Variants in DCC observed in about 807,000 individuals in gnomAD.
DCC encodes the protein netrin receptor DCC.
In DCC, 58 loss-of-function variants were observed where a neutral mutation model predicts 172.5. The ratio of observed to expected loss-of-function variants is 0.34; its 90% CI spans 0.27 to 0.42. The LOEUF (loss-of-function observed/expected upper bound fraction) is 0.42, where lower values mean the gene tolerates loss of function less well. DCC is among the 10% of genes least tolerant of loss of function. The pLI is 1.00. For synonymous variants in DCC, 709 were observed against 644.5 expected, an observed-to-expected ratio of 1.10 and a Z score of -1.52; for missense variants, 1,740 against 1,791.0, an observed-to-expected ratio of 0.97 and a Z score of 0.51.
chr18:53,099,961 G>GTTTTTTTT (rs58395852), intron 7 of DCC, among the ~76,000 whole-genome samples: 1 of 97,918 alleles, frequency 1.0e-5, no homozygotes. Context: ...TTTTTTTTTT[G>GTTTTTTTT]TTTGAGACAG....
At chr18:52,590,835 A>C (rs1388287339) in intron 1 of DCC, among the ~76,000 whole-genome samples, 2 of 152,234 alleles carry the variant, frequency 1.3e-5, no homozygotes, top group Non-Finnish European at 2.9e-5. Context: ...TCTCTGGGTG[A>C]CCAAAAAGGA....
intron 7 of DCC, among the ~76,000 whole-genome samples, chr18:53,113,090 C>T (rs2043357383): frequency 1.3e-5 from 2 of 151,024 alleles, no homozygotes; most frequent in Non-Finnish European, 3.0e-5. Context: ...TCAAAAAATC[C>T]CATTAAAGTA....
chr18:52,686,348 C>A (rs1430850287), intron 1 of DCC, among the ~76,000 whole-genome samples: 6 of 152,126 alleles, frequency 3.9e-5, no homozygotes, highest in Admixed American at 2.6e-4. Flanking sequence ...TCCAACAGAA[C>A]TCTACATGAC....
intron 1 of DCC, among the ~76,000 whole-genome samples, chr18:52,535,072 G>A (rs2032252089): frequency 1.3e-5 from 2 of 152,244 alleles, no homozygotes; most frequent in Admixed American, 1.3e-4. Flanking sequence ...CTTTGAAAAG[G>A]TGGGACATGG....
intron 7 of DCC, among the ~76,000 whole-genome samples, chr18:53,139,020 C>A (rs1313459666): frequency 6.6e-6 from 1 of 152,128 alleles, no homozygotes; most frequent in Non-Finnish European, 1.5e-5. Flanking sequence ...GTTTGCAGAC[C>A]TTTTCTGCCC....
chr18:52,927,146 T>TATATAC (rs1568192197), intron 5 of DCC, among the ~76,000 whole-genome samples: 16 of 59,062 alleles, frequency 2.7e-4, no homozygotes, highest in African/African-American at 3.6e-4. Context: ...CGTGTATATA[T>TATATAC]GTGTATATAT....
At chr18:53,411,960 T>A (rs1910013230) in intron 20 of DCC, among the ~76,000 whole-genome samples, 1 of 152,166 alleles carries the variant, frequency 6.6e-6, no homozygotes, top group Non-Finnish European at 1.5e-5. Flanking sequence ...CAAATTAATT[T>A]CATACTCATA....
At chr18:52,812,208 A>G (rs1224194337) in intron 2 of DCC, among the ~76,000 whole-genome samples, 1 of 152,150 alleles carries the variant, frequency 6.6e-6, no homozygotes, top group Non-Finnish European at 1.5e-5. Flanking sequence ...TTTATAATTC[A>G]CCTCAGCTAC....
intron 2 of DCC, among the ~76,000 whole-genome samples, chr18:52,841,253 G>A (rs921912274): frequency 6.6e-6 from 1 of 151,174 alleles, no homozygotes; most frequent in Non-Finnish European, 1.5e-5. Context: ...TAAGTACATG[G>A]AGAATCAGAG....
chr18:53,024,429 G>C (rs1189463000), intron 5 of DCC, among the ~76,000 whole-genome samples: 1 of 152,082 alleles, frequency 6.6e-6, no homozygotes, highest in African/African-American at 2.4e-5. Flanking sequence ...TGAGGTTACT[G>C]TAAATATGTT....
chr18:53,306,569 G>A (rs1188363790), intron 13 of DCC, among the ~76,000 whole-genome samples: 2 of 152,230 alleles, frequency 1.3e-5, no homozygotes, highest in Non-Finnish European at 1.5e-5. Flanking sequence ...TCCATGGATA[G>A]AAGGTGTGAG....
At chr18:52,627,540 A>C (rs1202574737) in intron 1 of DCC, among the ~76,000 whole-genome samples, 1 of 152,216 alleles carries the variant, frequency 6.6e-6, no homozygotes, top group Non-Finnish European at 1.5e-5. Flanking sequence ...GAAGCAACTA[A>C]AATTATTTTG....
chr18:53,116,348 G>T lies in DCC; in HGVS notation c.1262-41008G>T, dbSNP rs1006763039. The stretch of plus-strand genomic sequence containing the variant: ...GGATTCCATTGTTTATTTGGGATAC[G>T]CCTTATGTAAATGGAGAGGAAGAAG... On this transcript the variant is annotated intron_variant, in intron 7 of 28. Coordinates refer to ENST00000442544, the MANE Select transcript of DCC (RefSeq NM_005215.4). 3.3e-5 allele frequency among the ~76,000 whole-genome samples: 5 copies of T among 151,798 alleles called. No individual in the cohort carries two copies. In the East Asian group the frequency reaches 7.8e-4, roughly 24 times the overall value.
intron 12 of DCC, among the ~76,000 whole-genome samples, chr18:53,250,377 C>T (rs876553): frequency 0.38 from 57,393 of 149,880 alleles, 11,622 homozygotes; most frequent in East Asian, 0.59. Context: ...ATGACTGCAC[C>T]CTGAATTGTG....
At chr18:53,377,515 C>T (rs1468717763) in intron 15 of DCC, among the ~76,000 whole-genome samples, 2 of 152,188 alleles carry the variant, frequency 1.3e-5, no homozygotes, top group Non-Finnish European at 2.9e-5. Flanking sequence ...TCTTACATGT[C>T]CCACCTCACA....
At position 53,196,909 on chromosome 18, in the gene DCC, T is replaced by C. The variant is rs572187076; in HGVS notation, c.1574-8307T>C. Among the ~76,000 whole-genome samples, 8 of 152,248 alleles carry C rather than the reference T, an allele frequency of 5.3e-5. No individual in the cohort carries two copies. The East Asian group carries it at 1.5e-3, about 29-fold the overall frequency. ...TTGTGCTTCTTCCTAGCCAAATTAC[T>C]GTCTTATCTCCTAACTATGTACAGT... On this transcript the variant is annotated intron_variant, in intron 9 of 28. Transcript: ENST00000442544.
intron 5 of DCC, among the ~76,000 whole-genome samples, chr18:53,023,352 AAAAAATAAAAAT>A (rs1304386832): frequency 6.7e-6 from 1 of 149,094 alleles, no homozygotes; most frequent in African/African-American, 2.4e-5. Context: ...AAAAACATAA[AAAAAATAAAAAT>A]AAAAATAAAA....
chr18:52,709,522 C>T (rs890001481), intron 1 of DCC, among the ~76,000 whole-genome samples: 7 of 152,126 alleles, frequency 4.6e-5, no homozygotes, highest in Non-Finnish European at 8.8e-5. Flanking sequence ...TCCCAGTGAC[C>T]GCTGGAAGGA....
At chr18:52,993,452 T>G (rs772721492) in intron 5 of DCC, among the ~76,000 whole-genome samples, 1 of 152,176 alleles carries the variant, frequency 6.6e-6, no homozygotes, top group Non-Finnish European at 1.5e-5. Context: ...AACACCACAC[T>G]GGTCACCTCT....
Sources: allele counts gnomAD v4.1 joint callset (sites outside exome capture counted in the v4.1 genomes callset), GRCh38; gene constraint gnomAD v4.1.1; transcripts MANE v1.5; gene names NCBI Gene and HGNC (gene_info 2026-07-23, HGNC 2026-07-21).